The following ST7L variants were observed in gnomAD, a reference collection of about 807,000 sequenced individuals.
The protein encoded by ST7L is suppression of tumorigenicity 7 like.
In ST7L, 57 loss-of-function variants were observed where a neutral mutation model predicts 72.5. The ratio of observed to expected loss-of-function variants is 0.79; its 90% confidence interval spans 0.64 to 0.98. The LOEUF is 0.98. Ranked by LOEUF, ST7L falls within the 50% of genes least tolerant of loss-of-function variation. The pLI, the probability that ST7L is intolerant of heterozygous loss-of-function variation, is 0.00. For synonymous variants in ST7L, 221 were observed against 240.9 expected (o/e 0.92, Z 0.77); for missense variants, 576 against 672.2 (o/e 0.86, Z 1.58).
rs187235003 is a variant in ST7L, at chr1:112,599,756, C to T, written c.506+1038G>A. 9.9e-5 allele frequency among the ~76,000 whole-genome samples: 15 copies of T among 152,202 alleles called. No individual in the cohort carries two copies. In the East Asian group the frequency reaches 2.9e-3, roughly 29 times the overall value. The stretch of plus-strand genomic sequence containing the variant: ...AATGTCACAAATTCTTTGAAAAAGG[C>T]TTTTTATAAACCAGGGGCCTAATAC... On this transcript the variant is annotated intron_variant, in intron 4 of 14. Coordinates refer to ENST00000358039, the MANE Select transcript of ST7L (RefSeq NM_017744.5).
chr1:112,610,823 C>T lies in ST7L; in HGVS notation c.451+18G>A, dbSNP rs199776554. On this transcript the variant is annotated intron_variant, in intron 3 of 14. Coordinates refer to ENST00000358039, the MANE Select transcript of ST7L (RefSeq NM_017744.5). The stretch of plus-strand genomic sequence containing the variant: ...TCTTAAATACACAGCTCTGAAAACA[C>T]ATTAGAAAAGTAGTCACCTGACAAA... 5.6e-6 allele frequency: 9 copies of T among 1,612,378 alleles called. No homozygotes were observed. Among genetic ancestry groups the T allele is most frequent in the East Asian group, 2.2e-5 (1 of 44,866 alleles).
At chr1:112,551,697 C>T (rs1251761413) in intron 12 of ST7L, among the ~76,000 whole-genome samples, 1 of 152,188 alleles carries the variant, frequency 6.6e-6, no homozygotes, top group Non-Finnish European at 1.5e-5. Flanking sequence ...TCTAGATTGT[C>T]ACCAACTCCT....
At chr1:112,565,211 ATTTTT>A (rs777969643) in intron 11 of ST7L, among the ~76,000 whole-genome samples, 174 of 57,930 alleles carry the variant, frequency 3.0e-3, no homozygotes, top group African/African-American at 0.014. Flanking sequence ...TGTTCGGCTA[ATTTTT>A]TTTTTTTTTT....
chr1:112,609,941 T>C (rs1224918047), intron 3 of ST7L, among the ~76,000 whole-genome samples: 3 of 152,276 alleles, frequency 2.0e-5, no homozygotes, highest in South Asian at 2.1e-4. Context: ...TTTTTAAGTA[T>C]ACTGAAAAAA....
intron 1 of ST7L, chr1:112,618,043 T>C (rs1159953542): frequency 7.7e-7 from 1 of 1,304,006 alleles, no homozygotes; most frequent in Admixed American, 2.3e-5. Context: ...AAAGGGGACA[T>C]TTGCTGCCTT....
At chr1:112,544,542 TGA>T (rs1340809052) in intron 13 of ST7L, among the ~76,000 whole-genome samples, 1 of 152,204 alleles carries the variant, frequency 6.6e-6, no homozygotes, top group Non-Finnish European at 1.5e-5. Flanking sequence ...CCCTCAGCCA[TGA>T]GAGGCCAACT....
chr1:112,612,228 G>A (rs899891397), intron 2 of ST7L, among the ~76,000 whole-genome samples: 2 of 151,982 alleles, frequency 1.3e-5, no homozygotes, highest in Non-Finnish European at 2.9e-5. Context: ...CTCCCGTGTA[G>A]CTAGGACTAC....
intron 2 of ST7L, among the ~76,000 whole-genome samples, chr1:112,615,688 T>A (rs1669759991): frequency 6.6e-6 from 1 of 151,870 alleles, no homozygotes; most frequent in South Asian, 2.1e-4. Flanking sequence ...CCATCTCAAT[T>A]TTTTTTTAAT....
chr1:112,558,946 A>G lies in ST7L; in HGVS notation c.1246-2928T>C, dbSNP rs758280578. The stretch of plus-strand genomic sequence containing the variant: ...AGCTTCTTCAGTAGGAAGCAAAGAA[A>G]ATGTGGCAATCACAGTGGAATTGTC... On this transcript the variant is annotated intron_variant, in intron 11 of 14. Transcript: ENST00000358039. Among the ~76,000 whole-genome samples, 45 of 152,346 alleles carry G rather than the reference A, an allele frequency of 3.0e-4. 1 individual carries two copies. The highest frequency in any genetic ancestry group is 1.5e-4 in the Non-Finnish European group (10 of 68,028).
chr1:112,577,110 A>G, intron 10 of ST7L, 22 bp from the exon 11 acceptor site: 1 of 1,490,430 alleles, frequency 6.7e-7, no homozygotes, highest in East Asian at 2.3e-5. Flanking sequence ...CCACAAAATG[A>G]AAAAATAAAT....
chr1:112,562,176 C>T (rs533700540), intron 11 of ST7L, among the ~76,000 whole-genome samples: 2 of 152,040 alleles, frequency 1.3e-5, no homozygotes, highest in African/African-American at 4.8e-5. Flanking sequence ...CTGTGTTGCC[C>T]AGGCTGGTTT....
intron 10 of ST7L, 129 bp downstream of exon 10, chr1:112,578,216 C>T (rs1663461048): frequency 2.2e-6 from 2 of 906,748 alleles, no homozygotes; most frequent in Non-Finnish European, 3.4e-6. Flanking sequence ...AGCCTAAAAG[C>T]CCAAGAAGAT....
At chr1:112,619,495 G>A (rs1399458278), upstream of ST7L, 4 of 517,664 alleles carry the variant, frequency 7.7e-6, no homozygotes, top group South Asian at 3.0e-5. Flanking sequence ...TGGAGATAAC[G>A]GGCACCAGAA....
intron 11 of ST7L, among the ~76,000 whole-genome samples, chr1:112,575,045 T>C (rs532449554): frequency 1.3e-5 from 2 of 152,210 alleles, no homozygotes; most frequent in South Asian, 4.1e-4. Flanking sequence ...GAGACCATAC[T>C]AGCTAACATG....
intron 4 of ST7L, among the ~76,000 whole-genome samples, chr1:112,599,073 A>AATATATATATAT (rs71084479): frequency 8.8e-5 from 5 of 56,976 alleles, no homozygotes; most frequent in Non-Finnish European, 1.2e-4. Flanking sequence ...AAAAAAAAAA[A>AATATATATATAT]ATATATATAT....
intron 3 of ST7L, among the ~76,000 whole-genome samples, chr1:112,605,949 A>G (rs61818800): frequency 0.27 from 40,737 of 152,112 alleles, 5,911 homozygotes; most frequent in African/African-American, 0.37. Context: ...TTTGAAGTCA[A>G]TACATGTTGA....
At chr1:112,556,904 G>C in intron 11 of ST7L, among the ~76,000 whole-genome samples, 1 of 140,800 alleles carries the variant, frequency 7.1e-6, no homozygotes, top group East Asian at 2.2e-4. Context: ...GGAGGCGGAG[G>C]TTGCAGTGAG....
chr1:112,604,767 GT>G (rs1217978329), intron 3 of ST7L, among the ~76,000 whole-genome samples: 1 of 94,158 alleles, frequency 1.1e-5, no homozygotes, highest in Non-Finnish European at 1.9e-5. Flanking sequence ...GTGAGGCCTT[GT>G]CTCTCTTAAA....
intron 5 of ST7L, among the ~76,000 whole-genome samples, chr1:112,597,280 T>C (rs1449661235): frequency 6.6e-6 from 1 of 152,138 alleles, no homozygotes; most frequent in Non-Finnish European, 1.5e-5. Flanking sequence ...ATCAGATAGA[T>C]AAGGAGGGTG....
Sources: allele counts gnomAD v4.1 joint callset (sites outside exome capture counted in the v4.1 genomes callset), GRCh38; gene constraint gnomAD v4.1.1; transcripts MANE v1.5; gene names NCBI Gene and HGNC (gene_info 2026-07-23, HGNC 2026-07-21).